The following FHIT variants were observed in gnomAD, a reference collection of about 807,000 sequenced individuals.
FHIT encodes the protein fragile histidine triad diadenosine triphosphatase, also known as bis(5'-adenosyl)-triphosphatase.
Under a neutral mutation model 17.9 loss-of-function variants are expected in FHIT, and 19 were observed. The ratio of observed to expected loss-of-function variants is 1.06; its 90% confidence interval spans 0.74 to 1.56. The LOEUF is 1.56. FHIT is among the 40% of genes most tolerant of loss of function. The pLI, the probability that FHIT is intolerant of heterozygous loss-of-function variation, is 0.00. For synonymous variants in FHIT, 81 were observed against 69.7 expected (o/e 1.16, Z -0.81); for missense variants, 248 against 189.2 (o/e 1.31, Z -1.82).
chr3:60,351,513 A>T (rs1446112642), intron 5 of FHIT, among the ~76,000 whole-genome samples: 1 of 152,308 alleles, frequency 6.6e-6, no homozygotes, highest in East Asian at 1.9e-4. Flanking sequence ...AGGGTCAGGG[A>T]AATGGAGACT....
At chr3:59,849,239 G>C (rs553381419) in intron 8 of FHIT, among the ~76,000 whole-genome samples, 1 of 152,158 alleles carries the variant, frequency 6.6e-6, no homozygotes, top group African/African-American at 2.4e-5. Flanking sequence ...CAGGTGTTGT[G>C]GTGCACGTCT....
At chr3:60,740,913 T>A (rs1271639606) in intron 4 of FHIT, among the ~76,000 whole-genome samples, 1 of 152,072 alleles carries the variant, frequency 6.6e-6, no homozygotes, top group Non-Finnish European at 1.5e-5. Context: ...TCTAAGTGGG[T>A]TTTTGTTTTG....
intron 5 of FHIT, among the ~76,000 whole-genome samples, chr3:60,029,127 T>C (rs1314987092): frequency 1.3e-5 from 2 of 152,240 alleles, no homozygotes; most frequent in African/African-American, 4.8e-5. Flanking sequence ...AGTTCGTTTT[T>C]TACTTCTTTC....
chr3:60,890,326 A>C (rs1032826916), intron 3 of FHIT, among the ~76,000 whole-genome samples: 1 of 152,018 alleles, frequency 6.6e-6, no homozygotes, highest in Admixed American at 6.6e-5. Context: ...CACAGATACG[A>C]GTGAATCCGT....
intron 2 of FHIT, among the ~76,000 whole-genome samples, chr3:61,184,644 C>A (rs1347725320): frequency 6.6e-6 from 1 of 152,164 alleles, no homozygotes; most frequent in Non-Finnish European, 1.5e-5. Flanking sequence ...AGTTCCCAAC[C>A]CTCTGAGCTA....
intron 2 of FHIT, among the ~76,000 whole-genome samples, chr3:61,117,209 T>C (rs2106909441): frequency 6.6e-6 from 1 of 152,296 alleles, no homozygotes; most frequent in African/African-American, 2.4e-5. Context: ...CCTCTCAACC[T>C]TTCTCTAGAG....
rs572836181 is a variant in FHIT, at chr3:59,918,124, A to G, written c.348+4222T>C. 2.7e-4 allele frequency among the ~76,000 whole-genome samples: 41 copies of G among 152,336 alleles called. 1 individual carries two copies. The South Asian group carries it at 8.3e-3, about 31-fold the overall frequency. ...GTCTCACCCAGTGTGGCTATGAGTT[A>G]GTGAATTGACCGTCTGAAGAGCAAT... is the stretch of plus-strand genomic sequence containing the variant. On this transcript the variant is annotated intron_variant, in intron 8 of 9. Transcript: ENST00000492590.
chr3:59,865,991 A>T (rs915678055), intron 8 of FHIT, among the ~76,000 whole-genome samples: 1 of 152,222 alleles, frequency 6.6e-6, no homozygotes, highest in African/African-American at 2.4e-5. Context: ...GAAAGATGGC[A>T]CATGAAATAT....
chr3:59,920,665 T>G (rs1416311971), intron 8 of FHIT, among the ~76,000 whole-genome samples: 1 of 152,242 alleles, frequency 6.6e-6, no homozygotes, highest in Non-Finnish European at 1.5e-5. Context: ...TACTAGTATA[T>G]AATTCACGTG....
intron 3 of FHIT, among the ~76,000 whole-genome samples, chr3:61,019,312 A>C (rs1448584849): frequency 6.6e-6 from 1 of 152,240 alleles, no homozygotes; most frequent in East Asian, 1.9e-4. Context: ...ACGTATTTGG[A>C]AAGTTCCCAG....
At chr3:60,286,552 T>A (rs888735301) in intron 5 of FHIT, among the ~76,000 whole-genome samples, 2 of 151,918 alleles carry the variant, frequency 1.3e-5, no homozygotes, top group African/African-American at 4.9e-5. Flanking sequence ...AATCTTTCTC[T>A]CACAGTGATA....
chr3:60,355,448 A>G (rs1458598728), intron 5 of FHIT, among the ~76,000 whole-genome samples: 1 of 152,066 alleles, frequency 6.6e-6, no homozygotes, highest in Non-Finnish European at 1.5e-5. Flanking sequence ...TCCATTTTCC[A>G]TGTTTACTAA....
At chr3:60,346,170 G>T (rs562996343) in intron 5 of FHIT, among the ~76,000 whole-genome samples, 10 of 152,250 alleles carry the variant, frequency 6.6e-5, no homozygotes, top group Admixed American at 3.3e-4. Flanking sequence ...GAGTCCTCAC[G>T]CAATGTCCAT....
chr3:60,858,891 C>A (rs1297289308), intron 3 of FHIT, among the ~76,000 whole-genome samples: 1 of 152,118 alleles, frequency 6.6e-6, no homozygotes. Context: ...GGCTGCAATG[C>A]CTAAGTGCAA....
chr3:60,806,526 A>C (rs1282369604), intron 4 of FHIT, among the ~76,000 whole-genome samples: 1 of 152,186 alleles, frequency 6.6e-6, no homozygotes, highest in East Asian at 1.9e-4. Context: ...ACTTTTTCAC[A>C]TTGTTTTAAA....
At chr3:60,796,411 T>G (rs1188848159) in intron 4 of FHIT, among the ~76,000 whole-genome samples, 1 of 152,238 alleles carries the variant, frequency 6.6e-6, no homozygotes, top group African/African-American at 2.4e-5. Flanking sequence ...TTTTTATTCT[T>G]TTTTAAATAT....
intron 4 of FHIT, among the ~76,000 whole-genome samples, chr3:60,628,896 G>C (rs2039365617): frequency 6.6e-6 from 1 of 152,120 alleles, no homozygotes; most frequent in African/African-American, 2.4e-5. Flanking sequence ...TATACTTTCT[G>C]AGTAGGGGAC....
At chr3:60,561,085 A>G (rs1023290633) in intron 4 of FHIT, among the ~76,000 whole-genome samples, 4 of 152,028 alleles carry the variant, frequency 2.6e-5, no homozygotes, top group Admixed American at 6.6e-5. Context: ...CCATGTCTCT[A>G]TCTCTAGTAT....
chr3:60,259,323 C>T (rs578181825), intron 5 of FHIT, among the ~76,000 whole-genome samples: 8 of 152,170 alleles, frequency 5.3e-5, no homozygotes, highest in Non-Finnish European at 8.8e-5. Flanking sequence ...AGCAGATGAG[C>T]GGCTGGGTAC....
Sources: gnomAD v4.1 joint callset for allele counts (sites outside exome capture counted in the v4.1 genomes callset) on GRCh38, gnomAD v4.1.1 for gene constraint, MANE v1.5 for transcripts, NCBI Gene and HGNC (gene_info 2026-07-23, HGNC 2026-07-21) for gene names.